The following SHISA9 variants were observed in gnomAD, a reference collection of about 807,000 sequenced individuals.
SHISA9 encodes the protein shisa family member 9.
SHISA9 carries 13 observed loss-of-function variants against 38.0 expected under a neutral mutation model. The observed-to-expected ratio is 0.34, with a 90% CI of 0.22 to 0.54. The LOEUF is 0.54. Among genes scored for constraint, SHISA9 ranks in the 20% least tolerant of loss-of-function variants. The pLI, the probability that SHISA9 is intolerant of heterozygous loss-of-function variation, is 0.91. For synonymous variants in SHISA9, 275 were observed against 242.0 expected (o/e 1.14, Z -1.27); for missense variants, 538 against 575.8 (o/e 0.93, Z 0.67).
intron 2 of SHISA9, among the ~76,000 whole-genome samples, chr16:13,182,172 T>C (rs2142032324): frequency 6.6e-6 from 1 of 152,338 alleles, no homozygotes; most frequent in African/African-American, 2.4e-5. Context: ...TCATTTATCT[T>C]TGTGGGTTCA....
intron 2 of SHISA9, among the ~76,000 whole-genome samples, chr16:13,138,436 T>C (rs1368515098): frequency 6.6e-6 from 1 of 152,196 alleles, no homozygotes; most frequent in African/African-American, 2.4e-5. Context: ...TTTTAGACCT[T>C]AAGCTTTTGA....
At chr16:13,227,824 C>T (rs945064336) in intron 4 of SHISA9, among the ~76,000 whole-genome samples, 1 of 152,132 alleles carries the variant, frequency 6.6e-6, no homozygotes. Flanking sequence ...ACTCAACAAA[C>T]ATGGTGGGTG....
intron 2 of SHISA9, among the ~76,000 whole-genome samples, chr16:12,989,947 C>T (rs1388452765): frequency 6.6e-6 from 1 of 152,126 alleles, no homozygotes; most frequent in African/African-American, 2.4e-5. Context: ...CCCCTCCTGA[C>T]AGACCCTGGT....
intron 4 of SHISA9, among the ~76,000 whole-genome samples, chr16:13,228,779 G>T (rs189564935): frequency 6.6e-6 from 1 of 151,966 alleles, no homozygotes; most frequent in African/African-American, 2.4e-5. Flanking sequence ...GGGGTTTGTC[G>T]TACAGATTAT....
chr16:13,008,757 C>T (rs1443189042), intron 2 of SHISA9, among the ~76,000 whole-genome samples: 3 of 150,814 alleles, frequency 2.0e-5, no homozygotes, highest in South Asian at 2.1e-4. Context: ...TTGTAAGTTT[C>T]CTGAGGCCTG....
chr16:13,061,324 G>A (rs973442889), intron 2 of SHISA9, among the ~76,000 whole-genome samples: 1 of 152,174 alleles, frequency 6.6e-6, no homozygotes, highest in Admixed American at 6.5e-5. Flanking sequence ...ATAATAACAG[G>A]ATGATGTTAG....
chr16:13,490,484 G>A, the SHISA9 span, among the ~76,000 whole-genome samples: 1 of 152,176 alleles, frequency 6.6e-6, no homozygotes, highest in South Asian at 2.1e-4. Context: ...AAGATCACTT[G>A]AGCCCGTGAG....
intron 2 of SHISA9, among the ~76,000 whole-genome samples, chr16:13,006,211 C>T (rs2072596537): frequency 6.6e-6 from 1 of 152,198 alleles, no homozygotes; most frequent in African/African-American, 2.4e-5. Flanking sequence ...TTCTTTACTT[C>T]CACCCCAAAG....
intron 2 of SHISA9, among the ~76,000 whole-genome samples, chr16:13,104,367 GA>G (rs201215565): frequency 0.021 from 3,141 of 152,188 alleles, 52 homozygotes; most frequent in Admixed American, 0.047. Context: ...CAAGAGAAGT[GA>G]AAGCATATGT....
At chr16:13,457,515 A>AC in the SHISA9 span, among the ~76,000 whole-genome samples, 63 of 151,780 alleles carry the variant, frequency 4.2e-4, 1 homozygote, top group Middle Eastern at 6.8e-3. Flanking sequence ...AATCCCACAC[A>AC]CACTTGCAGC....
At chr16:13,220,683 T>C (rs2051215045) in intron 4 of SHISA9, among the ~76,000 whole-genome samples, 1 of 152,116 alleles carries the variant, frequency 6.6e-6, no homozygotes, top group South Asian at 2.1e-4. Context: ...AAAATCTCTA[T>C]CTATATAGCA....
chr16:13,108,602 C>T (rs192329866), intron 2 of SHISA9, among the ~76,000 whole-genome samples: 14 of 152,146 alleles, frequency 9.2e-5, no homozygotes, highest in Admixed American at 8.5e-4. Flanking sequence ...CAACCGTTAC[C>T]TCAAGACACA....
intron 2 of SHISA9, among the ~76,000 whole-genome samples, chr16:13,114,074 C>T (rs2074005614): frequency 1.3e-5 from 2 of 152,172 alleles, no homozygotes; most frequent in Non-Finnish European, 2.9e-5. Flanking sequence ...TCTAAGAGCA[C>T]AGAGGCTTAA....
intron 2 of SHISA9, among the ~76,000 whole-genome samples, chr16:12,968,187 C>T (rs1596554786): frequency 1.9e-5 from 1 of 51,876 alleles, no homozygotes; most frequent in South Asian, 9.1e-4. Context: ...AAGGCTCCAT[C>T]TCAAAAAAAA....
chr16:13,109,828 T>C (rs1596653701), intron 2 of SHISA9, among the ~76,000 whole-genome samples: 1 of 152,226 alleles, frequency 6.6e-6, no homozygotes, highest in East Asian at 1.9e-4. Flanking sequence ...ATCCCTGTCT[T>C]AGCAGGTATA....
At chr16:13,453,965 G>A in the SHISA9 span, among the ~76,000 whole-genome samples, 2 of 152,084 alleles carry the variant, frequency 1.3e-5, no homozygotes, top group African/African-American at 2.4e-5. Flanking sequence ...TTATAATACC[G>A]TCATCTCATA....
intron 1 of SHISA9, among the ~76,000 whole-genome samples, chr16:12,905,092 C>A (rs1354923770): frequency 6.6e-6 from 1 of 152,152 alleles, no homozygotes. Context: ...GGAACTAATG[C>A]CTGCTGAGCA....
chr16:13,091,270 A>C (rs1040679450), intron 2 of SHISA9, among the ~76,000 whole-genome samples: 1 of 151,932 alleles, frequency 6.6e-6, no homozygotes, highest in Non-Finnish European at 1.5e-5. Context: ...TCTGACAATT[A>C]TGTGTCTTGG....
chr16:13,479,263 C>T, the SHISA9 span, among the ~76,000 whole-genome samples: 1 of 152,168 alleles, frequency 6.6e-6, no homozygotes, highest in Non-Finnish European at 1.5e-5. Flanking sequence ...CCAAGATAAT[C>T]TCCCTGTCTC....
Sources: allele counts gnomAD v4.1 joint callset (sites outside exome capture counted in the v4.1 genomes callset), GRCh38; gene constraint gnomAD v4.1.1; transcripts MANE v1.5; gene names NCBI Gene and HGNC (gene_info 2026-07-23, HGNC 2026-07-21).